The following MAML3 variants were observed in gnomAD, a reference collection of about 807,000 sequenced individuals.
MAML3 encodes mastermind-like protein 3.
A neutral mutation model predicts 101.9 loss-of-function variants in MAML3; 27 were observed. That is an observed-to-expected ratio of 0.27 (90% CI 0.20 to 0.37). The LOEUF (loss-of-function observed/expected upper bound fraction) is 0.37, where lower values mean the gene tolerates loss of function less well. Among genes scored for constraint, MAML3 ranks in the 10% least tolerant of loss-of-function variants. The pLI, the probability that MAML3 is intolerant of heterozygous loss-of-function variation, is 1.00. For missense variants in MAML3, 1,316 were observed against 1,444.9 expected, an observed-to-expected ratio of 0.91 and a Z score of 1.45; for synonymous variants, 501 against 555.9, an observed-to-expected ratio of 0.90 and a Z score of 1.39.
chr4:139,779,302 T>G (rs947251389), intron 2 of MAML3, among the ~76,000 whole-genome samples: 1 of 152,204 alleles, frequency 6.6e-6, no homozygotes, highest in African/African-American at 2.4e-5. Flanking sequence ...ATAACTCTGG[T>G]AGGTTTTTAG....
intron 2 of MAML3, among the ~76,000 whole-genome samples, chr4:139,853,671 C>T (rs1578631619): frequency 6.6e-6 from 1 of 152,080 alleles, no homozygotes; most frequent in African/African-American, 2.4e-5. Context: ...ACTTTAGGCA[C>T]TGCAGTCAGA....
intron 2 of MAML3, among the ~76,000 whole-genome samples, chr4:139,883,889 C>CTTTTTTTTTT (rs70943452): frequency 2.7e-5 from 2 of 74,324 alleles, no homozygotes; most frequent in Admixed American, 1.8e-4. Flanking sequence ...AATTGCTTGT[C>CTTTTTTTTTT]TTTTTTTTTT....
At position 139,836,372 on chromosome 4, in the gene MAML3, T is replaced by C. The variant is rs561476817; in HGVS notation, c.2079+52985A>G. Reference sequence around the variant, plus strand: ...AGAAGGGGCAATTGGGAGAAAAGCATCAATGCCATAAAAATCACAGACCTC... The same window carrying C: ...AGAAGGGGCAATTGGGAGAAAAGCACCAATGCCATAAAAATCACAGACCTC... On this transcript the variant is annotated intron_variant, in intron 2 of 4. Coordinates refer to ENST00000509479, the MANE Select transcript of MAML3 (RefSeq NM_018717.5). 4.2e-4 allele frequency among the ~76,000 whole-genome samples: 64 copies of C among 152,234 alleles called. 1 individual carries two copies. In the Middle Eastern group the frequency reaches 0.01, roughly 24 times the overall value.
At position 139,719,575 on chromosome 4, in the gene MAML3, G is replaced by T. The variant is rs1454165169; in HGVS notation, c.3165C>A (p.Val1055=). ...PMVMSGLSQG[V]PGMPAFSQPP... ...GCTGGCTGAACGCTGGCATGCCTGG[G>T]ACTCCCTGGCTCAGGCCAGACATGA... Residue 1055 remains valine, a synonymous_variant, in exon 5 of 5, where the codon GTC becomes GTA. Coordinates refer to ENST00000509479, the MANE Select transcript of MAML3 (RefSeq NM_018717.5). 2 of 1,613,558 alleles carry T rather than the reference G, an allele frequency of 1.2e-6. No individual in the cohort carries two copies. Among genetic ancestry groups the T allele is most frequent in the South Asian group, 2.2e-5 (2 of 91,010 alleles).
chr4:139,840,671 G>A (rs190239756), intron 2 of MAML3, among the ~76,000 whole-genome samples: 4 of 152,328 alleles, frequency 2.6e-5, no homozygotes, highest in African/African-American at 9.6e-5. Context: ...TTATGAACAG[G>A]TGGAGGTGGG....
chr4:139,831,775 A>G (rs1282106300), intron 2 of MAML3, among the ~76,000 whole-genome samples: 3 of 151,052 alleles, frequency 2.0e-5, no homozygotes, highest in Non-Finnish European at 4.4e-5. Context: ...GCACTATTCC[A>G]GGGAGTTGAT....
chr4:140,082,632 T>C (rs1578675655), intron 1 of MAML3, among the ~76,000 whole-genome samples: 1 of 152,220 alleles, frequency 6.6e-6, no homozygotes. Context: ...TCCATCTCTA[T>C]TGCTGTCAGG....
chr4:139,816,540 A>G (rs556675491), intron 2 of MAML3, among the ~76,000 whole-genome samples: 27 of 152,046 alleles, frequency 1.8e-4, no homozygotes, highest in African/African-American at 6.0e-4. Context: ...GGGGAGGGAG[A>G]GAGGAAAGGA....
chr4:139,929,495 C>T (rs1733335515), intron 1 of MAML3, among the ~76,000 whole-genome samples: 1 of 152,194 alleles, frequency 6.6e-6, no homozygotes, highest in African/African-American at 2.4e-5. Flanking sequence ...TTTTAGAACA[C>T]TGAAGTTAGA....
At chr4:139,758,290 G>C (rs1729691593) in intron 2 of MAML3, among the ~76,000 whole-genome samples, 1 of 152,174 alleles carries the variant, frequency 6.6e-6, no homozygotes, top group Non-Finnish European at 1.5e-5. Context: ...AGGGAAGGAA[G>C]GTATGCCTTC....
intron 1 of MAML3, among the ~76,000 whole-genome samples, chr4:139,967,490 AC>A (rs1239843783): frequency 6.6e-6 from 1 of 151,672 alleles, no homozygotes; most frequent in Non-Finnish European, 1.5e-5. Flanking sequence ...ACACACACAC[AC>A]ACACACACAC....
At chr4:139,837,651 G>A (rs143595785) in intron 2 of MAML3, among the ~76,000 whole-genome samples, 2 of 152,296 alleles carry the variant, frequency 1.3e-5, no homozygotes, top group African/African-American at 4.8e-5. Context: ...CAGGCACTGT[G>A]GCTCATGCCC....
At chr4:139,855,308 T>C (rs1193728540) in intron 2 of MAML3, among the ~76,000 whole-genome samples, 2 of 152,314 alleles carry the variant, frequency 1.3e-5, no homozygotes, top group East Asian at 3.9e-4. Flanking sequence ...TGCAGTAAGA[T>C]GAAAAGCATT....
intron 1 of MAML3, among the ~76,000 whole-genome samples, chr4:140,034,150 G>A (rs1180947563): frequency 6.6e-6 from 1 of 152,200 alleles, no homozygotes; most frequent in African/African-American, 2.4e-5. Flanking sequence ...GAATCAGGAT[G>A]GAGGCAAGAC....
chr4:140,122,564 G>A (rs988920930), intron 1 of MAML3, among the ~76,000 whole-genome samples: 4 of 151,786 alleles, frequency 2.6e-5, no homozygotes, highest in East Asian at 3.9e-4. Flanking sequence ...AGGCCGAGGC[G>A]GGCGGATCAC....
chr4:139,805,124 C>A (rs1317548294), intron 2 of MAML3, among the ~76,000 whole-genome samples: 1 of 152,122 alleles, frequency 6.6e-6, no homozygotes, highest in African/African-American at 2.4e-5. Context: ...GCGGAGGTTG[C>A]GGTGAGCCGA....
At chr4:139,892,792 G>A (rs561704038) in intron 1 of MAML3, among the ~76,000 whole-genome samples, 23 of 152,126 alleles carry the variant, frequency 1.5e-4, no homozygotes, top group African/African-American at 4.6e-4. Flanking sequence ...TTAGCCGGGC[G>A]TGGTGGCGGG....
chr4:139,856,667 G>C (rs1731669190), intron 2 of MAML3, among the ~76,000 whole-genome samples: 1 of 152,198 alleles, frequency 6.6e-6, no homozygotes, highest in African/African-American at 2.4e-5. Context: ...GCCCTGAAAA[G>C]CTTGTACCTT....
intron 2 of MAML3, among the ~76,000 whole-genome samples, chr4:139,793,539 G>A (rs1730459353): frequency 6.6e-6 from 1 of 152,150 alleles, no homozygotes; most frequent in Non-Finnish European, 1.5e-5. Context: ...CATTTCAGTG[G>A]TGGCATCTTA....
Sources: allele counts gnomAD v4.1 joint callset (sites outside exome capture counted in the v4.1 genomes callset), GRCh38; gene constraint gnomAD v4.1.1; transcripts MANE v1.5; gene names NCBI Gene and HGNC (gene_info 2026-07-23, HGNC 2026-07-21).